IKBKB: variants seen among roughly 807,000 people sequenced by gnomAD.
IKBKB encodes the protein inhibitor of nuclear factor kappa-B kinase subunit beta.
A neutral mutation model predicts 113.6 loss-of-function variants in IKBKB; 42 were observed. The observed-to-expected ratio is 0.37, with a 90% CI of 0.29 to 0.48. IKBKB has a LOEUF of 0.48. IKBKB is among the 20% of genes least tolerant of loss of function. IKBKB has a pLI of 0.99. For missense variants in IKBKB, 673 were observed against 939.7 expected, an observed-to-expected ratio of 0.72 and a Z score of 3.71; for synonymous variants, 296 against 361.3, an observed-to-expected ratio of 0.82 and a Z score of 2.05.
chr8:42,288,627 T>C lies in IKBKB; in HGVS notation c.106-7T>C. ...CTCTGCTGGTCCCCACTGTGCTGTTTCTGTAGGAAACAGGTGAGCAGATTG... is the reference window on the plus strand; with the variant it reads ...CTCTGCTGGTCCCCACTGTGCTGTTCCTGTAGGAAACAGGTGAGCAGATTG... On this transcript the variant is annotated splice_region_variant and splice_polypyrimidine_tract_variant and intron_variant, in intron 2 of 21. Transcript: ENST00000520810. 13 of 1,606,922 alleles carry C rather than the reference T, an allele frequency of 8.1e-6. No homozygotes were observed. The highest frequency in any genetic ancestry group is 1.0e-5 in the Non-Finnish European group (12 of 1,176,258).
intron 7 of IKBKB, among the ~76,000 whole-genome samples, chr8:42,307,422 T>C (rs145854200): frequency 9.2e-5 from 14 of 152,274 alleles, no homozygotes; most frequent in African/African-American, 3.4e-4. Flanking sequence ...AAGGAGCAAC[T>C]CTTTGGAAAG....
At chr8:42,314,022 C>T in intron 8 of IKBKB, 1 of 302,738 alleles carries the variant, frequency 3.3e-6, no homozygotes, top group Non-Finnish European at 6.3e-6. Context: ...TGACAGTGGT[C>T]TCATGAGATT....
chr8:42,317,536 C>A, intron 11 of IKBKB, 121 bp from the exon 12 acceptor site: 1 of 697,954 alleles, frequency 1.4e-6, no homozygotes, highest in Non-Finnish European at 2.6e-6. Flanking sequence ...ATGCTTCCTA[C>A]TTGCTGGCTG....
At chr8:42,323,049 C>A (rs1301528386) in intron 19 of IKBKB, among the ~76,000 whole-genome samples, 4 of 152,190 alleles carry the variant, frequency 2.6e-5, no homozygotes, top group Admixed American at 6.5e-5. Flanking sequence ...TGGTTCCAGG[C>A]GTTCTTTGGT....
intron 2 of IKBKB, among the ~76,000 whole-genome samples, chr8:42,281,061 A>G (rs1021846995): frequency 6.6e-6 from 1 of 152,182 alleles, no homozygotes; most frequent in African/African-American, 2.4e-5. Flanking sequence ...TCTAAATCCA[A>G]GCACCGAACT....
chr8:42,276,242 T>G (rs1809071549), intron 2 of IKBKB, among the ~76,000 whole-genome samples: 1 of 152,240 alleles, frequency 6.6e-6, no homozygotes, highest in African/African-American at 2.4e-5. Flanking sequence ...CTCCACATCC[T>G]TGCCTTCATT....
intron 20 of IKBKB, 25 bp downstream of exon 20, chr8:42,326,122 G>C (rs1197374465): frequency 2.5e-6 from 4 of 1,613,750 alleles, no homozygotes; most frequent in Non-Finnish European, 3.4e-6. Flanking sequence ...GCAGTGCCAA[G>C]TGTGACCATC....
chr8:42,305,107 T>C, intron 5 of IKBKB, 80 bp from the exon 6 acceptor site: 1 of 933,900 alleles, frequency 1.1e-6, no homozygotes, highest in Non-Finnish European at 1.8e-6. Context: ...GCATGCGGCA[T>C]TTATCTTTTG....
At chr8:42,326,164 G>T in intron 20 of IKBKB, 67 bp downstream of exon 20, 1 of 1,572,832 alleles carries the variant, frequency 6.4e-7, no homozygotes, top group Middle Eastern at 1.7e-4. Context: ...GGATGGAGGC[G>T]TTTGTCACTG....
chr8:42,303,883 A>G (rs1474977733), intron 5 of IKBKB, among the ~76,000 whole-genome samples: 1 of 152,136 alleles, frequency 6.6e-6, no homozygotes, highest in Non-Finnish European at 1.5e-5. Flanking sequence ...TCTTTGGTGT[A>G]TGTGTTGTAG....
chr8:42,296,407 A>G lies in IKBKB; in HGVS notation c.388+2895A>G, dbSNP rs1011449835. ...AGCACTTTGGGAGGCCGAGGTGGGC[A>G]GATCACGAGGTCCGGAGTTCGAGGC... On this transcript the variant is annotated intron_variant, in intron 5 of 21. Coordinates refer to ENST00000520810, the MANE Select transcript of IKBKB (RefSeq NM_001556.3). 1.7e-4 allele frequency among the ~76,000 whole-genome samples: 26 copies of G among 152,196 alleles called. 1 individual carries two copies. Among genetic ancestry groups the G allele is most frequent in the Non-Finnish European group, 2.9e-5 (2 of 68,030 alleles).
At chr8:42,308,656 T>C (rs1817051189) in intron 7 of IKBKB, among the ~76,000 whole-genome samples, 2 of 152,180 alleles carry the variant, frequency 1.3e-5, no homozygotes, top group Non-Finnish European at 2.9e-5. Flanking sequence ...TGTGATGTAC[T>C]CTGGCCCTGA....
At position 42,293,657 on chromosome 8, in the gene IKBKB, G is replaced by A. The variant is rs1483681525; in HGVS notation, c.388+145G>A. 4.3e-6 allele frequency: 6 copies of A among 1,406,530 alleles called. No homozygotes were observed. In the East Asian group the frequency reaches 9.7e-5, roughly 23 times the overall value. The allele number at this position is 1,406,530 out of a possible 1,614,324, so 87.1% of individuals were successfully genotyped here. On this transcript the variant is annotated intron_variant, in intron 5 of 21. Transcript: ENST00000520810. The stretch of plus-strand genomic sequence containing the variant: ...GGGAGCCCAGGGACGGGGGACCCTG[G>A]TGGAGTAGGGAGGTCAACAAGGAGT...
chr8:42,292,421 C>T (rs540782139), intron 4 of IKBKB, among the ~76,000 whole-genome samples: 1 of 152,216 alleles, frequency 6.6e-6, no homozygotes, highest in Non-Finnish European at 1.5e-5. Context: ...TCCTAAGGGA[C>T]CCCTGTCCTT....
intron 4 of IKBKB, among the ~76,000 whole-genome samples, chr8:42,291,827 G>A (rs1019630493): frequency 6.6e-6 from 1 of 152,164 alleles, no homozygotes; most frequent in African/African-American, 2.4e-5. Context: ...TACTACTTTG[G>A]AGGCTGGGGT....
intron 2 of IKBKB, among the ~76,000 whole-genome samples, chr8:42,282,259 A>G (rs925769091): frequency 3.9e-5 from 6 of 152,120 alleles, no homozygotes; most frequent in African/African-American, 7.2e-5. Flanking sequence ...TCACAGCTCA[A>G]CGCAGGTCTC....
chr8:42,319,711 A>T, intron 15 of IKBKB, 65 bp downstream of exon 15: 1 of 1,317,972 alleles, frequency 7.6e-7, no homozygotes, highest in Admixed American at 2.3e-5. Context: ...CCCACTTTTC[A>T]CTTTCTCATC....
rs565658936 is a variant in IKBKB, at chr8:42,308,470, G to C, written c.568-431G>C. Among the ~76,000 whole-genome samples the C allele has an allele frequency of 2.6e-5, 4 of 151,960 alleles. No individual in the cohort carries two copies. The East Asian group carries it at 7.7e-4, about 29-fold the overall frequency. ...ACACCACCATGCCCAGCTAATTTTT[G>C]TATTTTTAGTAGAGACGGGGTTTCA... On this transcript the variant is annotated intron_variant, in intron 7 of 21. Transcript: ENST00000520810.
intron 5 of IKBKB, among the ~76,000 whole-genome samples, chr8:42,293,973 C>T (rs536348560): frequency 2.0e-5 from 3 of 152,294 alleles, no homozygotes; most frequent in Non-Finnish European, 4.4e-5. Flanking sequence ...AGGGCATCTG[C>T]GGCACCCTCT....
Sources: allele counts gnomAD v4.1 joint callset (sites outside exome capture counted in the v4.1 genomes callset), GRCh38; gene constraint gnomAD v4.1.1; transcripts MANE v1.5; gene names NCBI Gene and HGNC (gene_info 2026-07-23, HGNC 2026-07-21).